ZMYM1: variants seen among roughly 807,000 people sequenced by gnomAD.
ZMYM1 encodes zinc finger MYM-type protein 1.
In ZMYM1, 39 loss-of-function variants were observed where a neutral mutation model predicts 60.0. The ratio of observed to expected loss-of-function variants is 0.65; its 90% CI spans 0.50 to 0.85. The LOEUF is 0.85. Among genes scored for constraint, ZMYM1 ranks in the 40% least tolerant of loss-of-function variants. ZMYM1 has a pLI of 0.00. For synonymous variants in ZMYM1, 413 were observed against 454.0 expected, an observed-to-expected ratio of 0.91 and a Z score of 1.15; for missense variants, 1,171 against 1,309.5, an observed-to-expected ratio of 0.89 and a Z score of 1.63.
intron 1 of ZMYM1, among the ~76,000 whole-genome samples, chr1:35,090,513 C>A (rs1373126164): frequency 6.6e-6 from 1 of 152,138 alleles, no homozygotes; most frequent in East Asian, 1.9e-4. Flanking sequence ...TCTGCACATA[C>A]ACCCCAGAAC....
chr1:35,114,358 C>T lies in ZMYM1; in HGVS notation c.2528C>T (p.Ala843Val), dbSNP rs1330519531. ...IASHSSNTSF[A>V]DELSHLLTLV... Reference sequence around the variant, plus strand: ...AGCCATTCTTCAAATACAAGTTTCGCCGATGAATTGAGTCATTTGCTGACA... The same window carrying T: ...AGCCATTCTTCAAATACAAGTTTCGTCGATGAATTGAGTCATTTGCTGACA... Residue 843 changes from alanine (A) to valine (V), a missense_variant, in exon 10 of 10, where the codon GCC becomes GTC. Physicochemically the swap from Ala to Val is moderately conservative, Grantham distance 64 (BLOSUM62 0). Transcript: ENST00000359858. The T allele has an allele frequency of 6.8e-6, 11 of 1,612,110 alleles. No individual in the cohort carries two copies. The highest frequency in any genetic ancestry group is 9.3e-6 in the Non-Finnish European group (11 of 1,179,298).
intron 1 of ZMYM1, among the ~76,000 whole-genome samples, chr1:35,092,600 CTTCCTTTCTTTCTTTCT>C (rs537607462): frequency 0.014 from 2,100 of 147,366 alleles, 57 homozygotes; most frequent in African/African-American, 0.049. Flanking sequence ...TCTTTCCTAC[CTTCCTTTCTTTCTTTCT>C]TTCCTTTCTT....
chr1:35,112,873 G>C, intron 9 of ZMYM1, 104 bp from the exon 10 acceptor site: 1 of 1,080,786 alleles, frequency 9.3e-7, no homozygotes, highest in Non-Finnish European at 1.2e-6. Context: ...AGCTCATACT[G>C]TAACTCAGCC....
At chr1:35,095,781 T>A in intron 2 of ZMYM1, 38 bp from the exon 3 acceptor site, 1 of 1,435,750 alleles carries the variant, frequency 7.0e-7, no homozygotes, top group Non-Finnish European at 9.5e-7. Context: ...ATTCATTGTA[T>A]TCACTATTTT....
intron 1 of ZMYM1, among the ~76,000 whole-genome samples, chr1:35,088,466 G>A (rs374649106): frequency 0.015 from 1,862 of 125,306 alleles, 44 homozygotes; most frequent in African/African-American, 0.03. Flanking sequence ...GTGTGTGTGT[G>A]TGTGTGTGTG....
intron 1 of ZMYM1, among the ~76,000 whole-genome samples, chr1:35,090,820 C>A (rs1013196366): frequency 6.6e-6 from 1 of 152,054 alleles, no homozygotes; most frequent in Non-Finnish European, 1.5e-5. Flanking sequence ...ATGGCACATG[C>A]CTGTAATCCC....
At chr1:35,092,631 C>G (rs1230774806) in intron 1 of ZMYM1, among the ~76,000 whole-genome samples, 1 of 136,904 alleles carries the variant, frequency 7.3e-6, no homozygotes, top group Non-Finnish European at 1.6e-5. Flanking sequence ...CTTTCTTTTC[C>G]TTTTCTTTTC....
chr1:35,065,005 CACTG>C (rs1641947608), intron 1 of ZMYM1, among the ~76,000 whole-genome samples: 1 of 152,122 alleles, frequency 6.6e-6, no homozygotes, highest in African/African-American at 2.4e-5. Context: ...CTTCTAAACA[CACTG>C]ACCATGGATT....
intron 6 of ZMYM1, among the ~76,000 whole-genome samples, chr1:35,108,793 C>T (rs1643986202): frequency 6.6e-6 from 1 of 150,794 alleles, no homozygotes; most frequent in African/African-American, 2.4e-5. Flanking sequence ...TCACTGGAGG[C>T]CCAACCTCAG....
Position 35,114,139 on chromosome 1 carries a change from C to A in ZMYM1, c.2309C>A (p.Thr770Asn), listed in dbSNP as rs757526743. The change falls in exon 10 of 10, where the codon ACT (threonine) becomes AAT (asparagine). Residue 770 changes from threonine to asparagine, a missense_variant. Coordinates refer to ENST00000359858, the MANE Select transcript of ZMYM1 (RefSeq NM_024772.5). Reference sequence around the variant, plus strand: ...AAAGAACTCCGAAGTGCTCTAAAAACTCTCAGTTCTTTGTTCAACACTATT... The same window carrying A: ...AAAGAACTCCGAAGTGCTCTAAAAAATCTCAGTTCTTTGTTCAACACTATT... ...EVKELRSALKTLSSLFNTICM... is the reference protein window; with the variant it reads ...EVKELRSALKNLSSLFNTICM... The A allele has an allele frequency of 6.2e-6, 10 of 1,608,714 alleles. No homozygotes were observed. The highest frequency in any genetic ancestry group is 8.5e-6 in the Non-Finnish European group (10 of 1,178,690).
chr1:35,089,738 C>CTTGTTTT (rs1642883873), intron 1 of ZMYM1, among the ~76,000 whole-genome samples: 1 of 60,978 alleles, frequency 1.6e-5, no homozygotes. Flanking sequence ...AGTTGTAAGG[C>CTTGTTTT]TTTTTTTTTT....
chr1:35,111,771 G>T lies in ZMYM1; in HGVS notation c.962-1G>T. ...ATAAGAAATCTTTTTATTGTTGTCA[G>T]TAAGTGTTGTTTCTGTGGTGCATGA... On this transcript the variant is annotated splice_acceptor_variant, in intron 7 of 9. Transcript: ENST00000359858. LOFTEE classifies it high-confidence loss of function. 6.4e-7 allele frequency: 1 copy of T among 1,562,906 alleles called. No homozygotes were observed. Among genetic ancestry groups the T allele is most frequent in the Non-Finnish European group, 8.7e-7 (1 of 1,153,748 alleles).
At chr1:35,092,399 A>AT (rs35083377) in intron 1 of ZMYM1, among the ~76,000 whole-genome samples, 73 of 145,422 alleles carry the variant, frequency 5.0e-4, no homozygotes, top group East Asian at 1.4e-3. Context: ...CACTCGGTTG[A>AT]TTTTTTTTTT....
intron 6 of ZMYM1, among the ~76,000 whole-genome samples, chr1:35,108,071 C>G (rs1489017662): frequency 6.6e-6 from 1 of 152,026 alleles, no homozygotes; most frequent in East Asian, 1.9e-4. Flanking sequence ...GAGATCATAC[C>G]ACTGCACTCC....
At chr1:35,086,595 TATTC>T (rs1300618766) in intron 1 of ZMYM1, among the ~76,000 whole-genome samples, 1 of 152,214 alleles carries the variant, frequency 6.6e-6, no homozygotes, top group East Asian at 1.9e-4. Flanking sequence ...CTGTGAATCT[TATTC>T]ATCGTCATGC....
chr1:35,089,439 A>C (rs1025318385), intron 1 of ZMYM1, among the ~76,000 whole-genome samples: 2 of 152,160 alleles, frequency 1.3e-5, no homozygotes, highest in African/African-American at 4.8e-5. Flanking sequence ...CTTGACTCTC[A>C]GGCCTTATTT....
chr1:35,118,492 G>T (rs929702499), downstream of ZMYM1, among the ~76,000 whole-genome samples: 1 of 152,010 alleles, frequency 6.6e-6, no homozygotes, highest in East Asian at 1.9e-4. Context: ...TTGGGAGGCC[G>T]AGGTGGGCGG....
chr1:35,066,714 C>A (rs913038553), intron 1 of ZMYM1, among the ~76,000 whole-genome samples: 2 of 152,080 alleles, frequency 1.3e-5, no homozygotes, highest in Non-Finnish European at 1.5e-5. Flanking sequence ...AAATTTCACA[C>A]AATCAAAATC....
chr1:35,069,388 C>A lies in ZMYM1; in HGVS notation c.-301+9463C>A, dbSNP rs1219227699. The stretch of plus-strand genomic sequence containing the variant: ...TACCTGTTGGCCATTTGAATTAATT[C>A]TTTTGAGAAATGTCTCTTAAGTTAT... On this transcript the variant is annotated intron_variant, in intron 1 of 10. Transcript: ENST00000417119. Among the ~76,000 whole-genome samples, 3 of 152,086 alleles carry A rather than the reference C, an allele frequency of 2.0e-5. No homozygotes were observed. The East Asian group carries it at 5.8e-4, about 29-fold the overall frequency.
Sources: gnomAD v4.1 joint callset for allele counts (sites outside exome capture counted in the v4.1 genomes callset) on GRCh38, gnomAD v4.1.1 for gene constraint, MANE v1.5 for transcripts, NCBI Gene and HGNC (gene_info 2026-07-23, HGNC 2026-07-21) for gene names.